Variants in RBFOX1 observed in about 807,000 individuals in gnomAD.
RBFOX1 encodes RNA binding protein fox-1 homolog 1.
In RBFOX1, 8 loss-of-function variants were observed where a neutral mutation model predicts 57.7. The observed-to-expected ratio is 0.14, with a 90% CI of 0.08 to 0.25. The LOEUF is 0.25. Among genes scored for constraint, RBFOX1 ranks in the 10% least tolerant of loss-of-function variants. The probability of loss-of-function intolerance (pLI) is 1.00; values close to 1 mark genes in which losing one functional copy is unlikely to be tolerated. For missense variants in RBFOX1, 611 were observed against 548.5 expected (o/e 1.11, Z -1.14); for synonymous variants, 326 against 222.4 (o/e 1.47, Z -4.15).
At chr16:6,788,032 G>T (rs2082257141) in intron 3 of RBFOX1, among the ~76,000 whole-genome samples, 2 of 152,226 alleles carry the variant, frequency 1.3e-5, no homozygotes, top group African/African-American at 2.4e-5. Flanking sequence ...AGACCAGCCA[G>T]ACCAACATGG....
At chr16:6,782,502 C>T (rs997936623) in intron 3 of RBFOX1, among the ~76,000 whole-genome samples, 2 of 151,888 alleles carry the variant, frequency 1.3e-5, no homozygotes, top group African/African-American at 4.8e-5. Context: ...TTTCATGGTT[C>T]AATCTTGGTA....
At chr16:6,699,854 G>T (rs1287895293) in intron 3 of RBFOX1, among the ~76,000 whole-genome samples, 2 of 152,088 alleles carry the variant, frequency 1.3e-5, no homozygotes. Context: ...GAGGGGTCTG[G>T]GCACTAAGGA....
intron 5 of RBFOX1, among the ~76,000 whole-genome samples, chr16:7,541,918 G>C (rs138227840): frequency 2.6e-5 from 4 of 152,220 alleles, no homozygotes; most frequent in African/African-American, 9.6e-5. Flanking sequence ...TCTTGGGTGA[G>C]CAGATGCCAA....
intron 2 of RBFOX1, among the ~76,000 whole-genome samples, chr16:6,514,031 A>C (rs576672681): frequency 6.6e-6 from 1 of 152,198 alleles, no homozygotes; most frequent in Non-Finnish European, 1.5e-5. Flanking sequence ...CAGAGAATCA[A>C]CACCTCAAGG....
chr16:5,494,104 C>G (rs1403705614), intron 2 of RBFOX1, among the ~76,000 whole-genome samples: 1 of 152,142 alleles, frequency 6.6e-6, no homozygotes, highest in Non-Finnish European at 1.5e-5. Context: ...TGTCCTTACT[C>G]ACGTGCTTTG....
At chr16:5,360,993 C>G (rs1164423307) in intron 1 of RBFOX1, among the ~76,000 whole-genome samples, 2 of 152,170 alleles carry the variant, frequency 1.3e-5, no homozygotes, top group Non-Finnish European at 2.9e-5. Context: ...CATACCAAGG[C>G]TGCACACGAT....
intron 4 of RBFOX1, among the ~76,000 whole-genome samples, chr16:5,975,399 C>A (rs1359623660): frequency 1.3e-5 from 2 of 152,282 alleles, no homozygotes; most frequent in Middle Eastern, 3.4e-3. Context: ...GAGCTGGGTG[C>A]CTGGCTGCTA....
chr16:6,781,285 G>T (rs1344847826), intron 3 of RBFOX1, among the ~76,000 whole-genome samples: 1 of 152,074 alleles, frequency 6.6e-6, no homozygotes, highest in Non-Finnish European at 1.5e-5. Flanking sequence ...ATTCCCATTT[G>T]ATCATGATGA....
intron 3 of RBFOX1, among the ~76,000 whole-genome samples, chr16:5,736,492 C>T (rs2052577617): frequency 6.6e-6 from 1 of 152,266 alleles, no homozygotes; most frequent in African/African-American, 2.4e-5. Flanking sequence ...ACTCTCCTCC[C>T]TGCTTCCCAG....
At chr16:6,160,448 C>T (rs1175970071) in intron 1 of RBFOX1, among the ~76,000 whole-genome samples, 2 of 152,110 alleles carry the variant, frequency 1.3e-5, no homozygotes, top group East Asian at 1.9e-4. Flanking sequence ...TGCTTCACTT[C>T]CCTTTTGTAT....
At chr16:7,408,888 G>C (rs1322125577) in intron 4 of RBFOX1, among the ~76,000 whole-genome samples, 1 of 152,066 alleles carries the variant, frequency 6.6e-6, no homozygotes, top group Non-Finnish European at 1.5e-5. Flanking sequence ...AAGAACCATT[G>C]TTCTAGAGGT....
intron 5 of RBFOX1, among the ~76,000 whole-genome samples, chr16:7,527,937 G>A (rs561799281): frequency 7.9e-5 from 12 of 152,170 alleles, no homozygotes; most frequent in Non-Finnish European, 8.8e-5. Flanking sequence ...CTCCAATTCC[G>A]AGATTTATTT....
At chr16:6,551,950 A>G (rs541477797) in intron 2 of RBFOX1, among the ~76,000 whole-genome samples, 50 of 152,358 alleles carry the variant, frequency 3.3e-4, no homozygotes, top group South Asian at 2.5e-3. Context: ...TTTGGATTTC[A>G]GAAGGATTTG....
intron 2 of RBFOX1, among the ~76,000 whole-genome samples, chr16:6,410,657 C>A (rs1455353553): frequency 6.6e-6 from 1 of 152,116 alleles, no homozygotes; most frequent in Non-Finnish European, 1.5e-5. Context: ...CCAAGGCGTG[C>A]GGAAGCACAC....
chr16:6,212,011 G>T (rs1037681792), intron 1 of RBFOX1, among the ~76,000 whole-genome samples: 1 of 151,918 alleles, frequency 6.6e-6, no homozygotes, highest in African/African-American at 2.4e-5. Context: ...CGCCATGCCT[G>T]GCTAAGTTTT....
intron 1 of RBFOX1, among the ~76,000 whole-genome samples, chr16:5,337,088 C>T (rs567399792): frequency 8.5e-5 from 13 of 152,284 alleles, no homozygotes; most frequent in South Asian, 2.1e-4. Flanking sequence ...GCGAGTTCTG[C>T]GGAGCTGAAG....
At chr16:5,798,634 C>G (rs11076973) in intron 3 of RBFOX1, among the ~76,000 whole-genome samples, 50,278 of 152,138 alleles carry the variant, frequency 0.33, 9,923 homozygotes, top group South Asian at 0.52. Context: ...CACCTATATG[C>G]CTGTCTCCAT....
intron 4 of RBFOX1, among the ~76,000 whole-genome samples, chr16:7,315,928 C>G (rs1568174025): frequency 6.6e-6 from 1 of 151,978 alleles, no homozygotes; most frequent in Non-Finnish European, 1.5e-5. Context: ...TTTTTCAAAC[C>G]CCAAACAGAA....
intron 2 of RBFOX1, among the ~76,000 whole-genome samples, chr16:6,342,288 G>A (rs541587541): frequency 6.6e-6 from 1 of 152,290 alleles, no homozygotes; most frequent in Non-Finnish European, 1.5e-5. Flanking sequence ...ATGGCACCAC[G>A]AAGATGGACA....
Sources: allele counts gnomAD v4.1 joint callset (sites outside exome capture counted in the v4.1 genomes callset), GRCh38; gene constraint gnomAD v4.1.1; transcripts MANE v1.5; gene names NCBI Gene and HGNC (gene_info 2026-07-23, HGNC 2026-07-21).